ADAMTS19: variants seen among roughly 807,000 people sequenced by gnomAD.
ADAMTS19 encodes A disintegrin and metalloproteinase with thrombospondin motifs 19.
Under a neutral mutation model 153.3 loss-of-function variants are expected in ADAMTS19, and 93 were observed. The observed-to-expected ratio is 0.61, with a 90% CI of 0.51 to 0.72. The LOEUF is 0.72. Among genes scored for constraint, ADAMTS19 ranks in the 30% least tolerant of loss-of-function variants. The pLI is 0.00. For missense variants in ADAMTS19, 1,482 were observed against 1,552.1 expected (o/e 0.95, Z 0.76); for synonymous variants, 600 against 556.6 (o/e 1.08, Z -1.10).
intron 2 of ADAMTS19, among the ~76,000 whole-genome samples, chr5:129,504,451 G>A (rs1751203363): frequency 6.6e-6 from 1 of 152,118 alleles, no homozygotes; most frequent in African/African-American, 2.4e-5. Context: ...TGTATACACT[G>A]TGCAAAGATT....
chr5:129,630,208 C>A (rs148184017), intron 10 of ADAMTS19, among the ~76,000 whole-genome samples: 1 of 151,976 alleles, frequency 6.6e-6, no homozygotes, highest in Non-Finnish European at 1.5e-5. Flanking sequence ...TGGCAGAAAC[C>A]GCAATTATGT....
rs760168340 is a variant in ADAMTS19 at position 129,460,404 on chromosome 5, C to G, written c.13C>G (p.Arg5Gly). 2 of 1,613,892 alleles carry G rather than the reference C, an allele frequency of 1.2e-6. No individual in the cohort carries two copies. The highest frequency in any genetic ancestry group is 2.2e-5 in the East Asian group (1 of 44,844). ...GCGGGAGCGCAGTATGGGGAAGAACCGCGAGATGCGCCTGACTCACATCTG... is the reference window on the plus strand; with the variant it reads ...GCGGGAGCGCAGTATGGGGAAGAACGGCGAGATGCGCCTGACTCACATCTG... MGKNREMRLTHICCC... is the reference protein window; with the variant it reads MGKNGEMRLTHICCC... Residue 5 changes from arginine to glycine, a missense_variant, in exon 1 of 23, where the codon CGC becomes GGC. Around this residue, in one of 2 missense-constraint regions of ADAMTS19, gnomAD observed 866 missense variants for 827.7 expected, o/e 1.05. Transcript: ENST00000274487.
Position 129,615,019 on chromosome 5 carries a change from G to C in ADAMTS19, c.1479-5599G>C, listed in dbSNP as rs192402751. Reference sequence around the variant, plus strand: ...TCTTCAAGGAGAACTACAAACCACTGCTCAGCAAAATAAAAGAGGATACAA... The same window carrying C: ...TCTTCAAGGAGAACTACAAACCACTCCTCAGCAAAATAAAAGAGGATACAA... On this transcript the variant is annotated intron_variant, in intron 8 of 22. Transcript: ENST00000274487. Among the ~76,000 whole-genome samples the C allele has an allele frequency of 2.7e-3, 412 of 152,186 alleles. 1 individual carries two copies. The highest frequency in any genetic ancestry group is 8.9e-3 in the African/African-American group (370 of 41,520).
intron 6 of ADAMTS19, among the ~76,000 whole-genome samples, chr5:129,534,618 A>C (rs189872997): frequency 0.03 from 4,524 of 152,164 alleles, 87 homozygotes; most frequent in South Asian, 0.063. Flanking sequence ...GAGACACAAC[A>C]AAAAAAGAGA....
intron 19 of ADAMTS19, among the ~76,000 whole-genome samples, chr5:129,696,089 A>G (rs563670076): frequency 6.6e-6 from 1 of 152,246 alleles, no homozygotes; most frequent in East Asian, 1.9e-4. Flanking sequence ...CATGCAGACG[A>G]ATGGTTAGTC....
chr5:129,588,392 A>G (rs1334675556), intron 7 of ADAMTS19, among the ~76,000 whole-genome samples: 8 of 152,126 alleles, frequency 5.3e-5, no homozygotes, highest in East Asian at 1.9e-4. Flanking sequence ...AGTTCGATAC[A>G]TGTTTGAACA....
At chr5:129,709,275 A>G (rs556014700) in intron 21 of ADAMTS19, among the ~76,000 whole-genome samples, 121 of 152,238 alleles carry the variant, frequency 7.9e-4, no homozygotes, top group African/African-American at 2.6e-3. Context: ...AAATCTCAAA[A>G]TGGTGTTCTA....
In ADAMTS19 at chr5:129,700,514, A is replaced by G. The variant is rs906509381; in HGVS notation, c.2955-874A>G. 3.3e-5 allele frequency among the ~76,000 whole-genome samples: 5 copies of G among 152,092 alleles called. No homozygotes were observed. The South Asian group carries it at 1.0e-3, about 31-fold the overall frequency. ...CTTCTGTTACTTTGCTAATACCCCC[A>G]TATCTCTCACTGTTAAGTAGTCTAC... On this transcript the variant is annotated intron_variant, in intron 19 of 22. Coordinates refer to ENST00000274487, the MANE Select transcript of ADAMTS19 (RefSeq NM_133638.6).
chr5:129,522,328 CACACATATAT>C (rs1751846833), intron 3 of ADAMTS19, among the ~76,000 whole-genome samples: 2 of 88,200 alleles, frequency 2.3e-5, no homozygotes, highest in African/African-American at 1.2e-4. Context: ...CACACACACA[CACACATATAT>C]ATATATATAT....
chr5:129,494,159 T>C (rs1359243685), intron 2 of ADAMTS19, among the ~76,000 whole-genome samples: 3 of 152,126 alleles, frequency 2.0e-5, no homozygotes, highest in Admixed American at 2.0e-4. Flanking sequence ...ATGGTAGTTA[T>C]ATTTACTTTT....
At chr5:129,627,256 T>C (rs1581162348) in intron 10 of ADAMTS19, among the ~76,000 whole-genome samples, 2 of 151,844 alleles carry the variant, frequency 1.3e-5, no homozygotes, top group African/African-American at 4.8e-5. Flanking sequence ...AAAGAAGAAA[T>C]AAAATGCCGA....
intron 16 of ADAMTS19, among the ~76,000 whole-genome samples, chr5:129,668,453 T>G (rs1754150000): frequency 6.6e-6 from 1 of 152,188 alleles, no homozygotes; most frequent in African/African-American, 2.4e-5. Flanking sequence ...TTTGGTGCCC[T>G]TTAAGGGCTC....
chr5:129,573,215 C>T (rs770103403), intron 7 of ADAMTS19, among the ~76,000 whole-genome samples: 2 of 151,998 alleles, frequency 1.3e-5, no homozygotes, highest in Non-Finnish European at 2.9e-5. Context: ...TGAAGCCTTG[C>T]TTAGGACCAA....
Position 129,737,359 on chromosome 5 carries a change from C to T in ADAMTS19, c.*141C>T, listed in dbSNP as rs1581279468. The T allele has an allele frequency of 1.0e-5, 9 of 862,796 alleles. No homozygotes were observed. In the East Asian group the frequency reaches 2.9e-4, roughly 28 times the overall value. The allele number at this position is 862,796 out of a possible 1,614,324, so 53.4% of individuals were successfully genotyped here. A position where few individuals can be genotyped will look rare whatever the true frequency, so the allele number is the denominator to read the frequency against. The stretch of plus-strand genomic sequence containing the variant: ...ATTTATTTTTTTGCCTGCCAAACAT[C>T]CAATGTGGTGCTTGTTTTGGTTACA... On this transcript the variant is annotated 3_prime_UTR_variant, in exon 23 of 23. Transcript: ENST00000274487.
intron 21 of ADAMTS19, among the ~76,000 whole-genome samples, chr5:129,716,439 T>C (rs1756734972): frequency 6.6e-6 from 1 of 152,182 alleles, no homozygotes; most frequent in Admixed American, 6.5e-5. Context: ...GCTCAAGCCA[T>C]CTGGCTGCCT....
chr5:129,465,157 C>T (rs1413855735), intron 2 of ADAMTS19, among the ~76,000 whole-genome samples: 1 of 152,136 alleles, frequency 6.6e-6, no homozygotes, highest in South Asian at 2.1e-4. Context: ...TTAGTTGGCA[C>T]TCAATAAAAA....
chr5:129,736,349 ATAATT>A (rs1007499415), intron 22 of ADAMTS19, among the ~76,000 whole-genome samples: 12 of 152,118 alleles, frequency 7.9e-5, no homozygotes, highest in African/African-American at 2.9e-4. Context: ...TAAAAATAGA[ATAATT>A]ATATTAGAAT....
intron 7 of ADAMTS19, among the ~76,000 whole-genome samples, chr5:129,573,761 A>C (rs1463061790): frequency 1.3e-5 from 2 of 152,136 alleles, no homozygotes; most frequent in Non-Finnish European, 2.9e-5. Flanking sequence ...ATTGTTCTTA[A>C]GATTTTTCTC....
chr5:129,597,442 G>A (rs570853609), intron 8 of ADAMTS19, among the ~76,000 whole-genome samples: 3 of 152,236 alleles, frequency 2.0e-5, no homozygotes, highest in East Asian at 1.9e-4. Context: ...TTGTTGGAGC[G>A]AGGGGTTTGA....
Sources: gnomAD v4.1 joint callset for allele counts (sites outside exome capture counted in the v4.1 genomes callset) on GRCh38, gnomAD v4.1.1 for gene constraint, gnomAD v4.1.1 regional missense constraint, MANE v1.5 for transcripts, NCBI Gene and HGNC (gene_info 2026-07-23, HGNC 2026-07-21) for gene names.